PPIL6: variants seen among roughly 807,000 people sequenced by gnomAD.
PPIL6 encodes the protein peptidylprolyl isomerase like 6.
A neutral mutation model predicts 36.8 loss-of-function variants in PPIL6; 39 were observed. The observed-to-expected ratio is 1.06, with a 90% CI of 0.82 to 1.38. The LOEUF is 1.38. Ranked by LOEUF, PPIL6 falls within the 40% of genes most tolerant of loss-of-function variation. PPIL6 has a pLI of 0.00. For synonymous variants in PPIL6, 123 were observed against 134.1 expected (o/e 0.92, Z 0.57); for missense variants, 368 against 379.1 (o/e 0.97, Z 0.24).
Position 109,403,427 on chromosome 6 carries a change from C to G in PPIL6, c.689-3257G>C, listed in dbSNP as rs1266494870. Among the ~76,000 whole-genome samples, 4 of 152,186 alleles carry G rather than the reference C, an allele frequency of 2.6e-5. 1 individual carries two copies. Among genetic ancestry groups the G allele is most frequent in the Admixed American group, 2.0e-4 (3 of 15,286 alleles). ...ATGCACCCTTTGGCAGTAAACAGCA[C>G]TGCTGAAGGGGGCTGAGCCTCTTTA... On this transcript the variant is annotated intron_variant, in intron 6 of 7. Coordinates refer to ENST00000521072, the MANE Select transcript of PPIL6 (RefSeq NM_173672.5).
intron 7 of PPIL6, among the ~76,000 whole-genome samples, chr6:109,398,749 T>C (rs1012196522): frequency 3.3e-5 from 5 of 152,232 alleles, no homozygotes; most frequent in African/African-American, 9.6e-5. Flanking sequence ...ATGATGTCCA[T>C]GGACAATTAT....
rs1774793041 is a variant in PPIL6, at chr6:109,440,563, GGGGCCCGC to G, written c.20_27del (p.Cys7SerfsTer4). ...GACGGCGAGCCGCACCTAGCGTGCG[GGGGCCCGC>G]ACGGCTGCGGCCTTGCCATGGCCGC... On this transcript the variant is annotated frameshift_variant, in exon 1 of 8. Coordinates refer to ENST00000521072, the MANE Select transcript of PPIL6 (RefSeq NM_173672.5). LOFTEE classifies it high-confidence loss of function. 5 of 1,460,934 alleles carry G rather than the reference GGGGCCCGC, an allele frequency of 3.4e-6. No homozygotes were observed. The highest frequency in any genetic ancestry group is 1.5e-5 in the African/African-American group (1 of 66,566). The allele number at this position is 1,460,934 out of a possible 1,614,324, so 90.5% of individuals were successfully genotyped here. A position where few individuals can be genotyped will look rare whatever the true frequency, so the allele number is the denominator to read the frequency against.
chr6:109,390,451 C>T lies in PPIL6; in HGVS notation c.*2375G>A, dbSNP rs993338526. On this transcript the variant is annotated 3_prime_UTR_variant, in exon 8 of 8. Transcript: ENST00000521072. ...CTGGCCCTAGAACACACATTCTTAA[C>T]ACTATGTTGCTCTGGGTCAGTTGAG... 5.9e-5 allele frequency: 9 copies of T among 152,210 alleles called. No individual in the cohort carries two copies. Among genetic ancestry groups the T allele is most frequent in the Non-Finnish European group, 1.0e-4 (7 of 68,048 alleles). 9.4% of individuals were successfully genotyped at this position (152,210 alleles called of 1,614,324 possible).
chr6:109,423,903 G>A (rs949606271), intron 5 of PPIL6, among the ~76,000 whole-genome samples: 9 of 152,016 alleles, frequency 5.9e-5, no homozygotes, highest in African/African-American at 2.2e-4. Flanking sequence ...CTTTCTACAA[G>A]TATTTATTAA....
rs371970187 is a variant in PPIL6, at chr6:109,427,026, T to A, written c.484-32A>T. On this transcript the variant is annotated intron_variant, in intron 4 of 7. Coordinates refer to ENST00000521072, the MANE Select transcript of PPIL6 (RefSeq NM_173672.5). The stretch of plus-strand genomic sequence containing the variant: ...AATAAAGACAAAAGGTTTCAAAGAT[T>A]AAATATTTAACACTCCAACAGTTAT... 48 of 1,596,236 alleles carry A rather than the reference T, an allele frequency of 3.0e-5. No homozygotes were observed. In the African/African-American group the frequency reaches 5.6e-4, roughly 19 times the overall value.
intron 6 of PPIL6, among the ~76,000 whole-genome samples, chr6:109,415,674 G>A (rs1773216506): frequency 6.6e-6 from 1 of 152,164 alleles, no homozygotes; most frequent in Non-Finnish European, 1.5e-5. Flanking sequence ...TTTCTATAAC[G>A]ACAATAGCAT....
At chr6:109,433,182 G>A (rs1281984730) in intron 2 of PPIL6, among the ~76,000 whole-genome samples, 3 of 151,742 alleles carry the variant, frequency 2.0e-5, no homozygotes, top group African/African-American at 4.8e-5. Flanking sequence ...TCAGCCTCCC[G>A]AGTAGCTGGG....
chr6:109,418,822 G>A (rs1262680547), intron 6 of PPIL6, among the ~76,000 whole-genome samples: 14 of 152,092 alleles, frequency 9.2e-5, no homozygotes, highest in African/African-American at 2.4e-4. Flanking sequence ...GATTATAGGC[G>A]TGAGCCACCA....
intron 6 of PPIL6, among the ~76,000 whole-genome samples, chr6:109,402,276 C>T (rs1341929362): frequency 6.6e-6 from 1 of 151,946 alleles, no homozygotes; most frequent in Non-Finnish European, 1.5e-5. Context: ...TGCCTCATGC[C>T]TGTAATCCCA....
At chr6:109,420,332 C>CAAAAAAAA (rs564751735) in intron 5 of PPIL6, among the ~76,000 whole-genome samples, 21 of 50,942 alleles carry the variant, frequency 4.1e-4, no homozygotes, top group Non-Finnish European at 5.9e-4. Flanking sequence ...GACTCCATCT[C>CAAAAAAAA]AAAAAAAAAA....
intron 7 of PPIL6, among the ~76,000 whole-genome samples, chr6:109,397,399 G>A (rs2115194550): frequency 1.3e-5 from 2 of 152,220 alleles, no homozygotes; most frequent in Admixed American, 1.3e-4. Context: ...GTTGGAGGGT[G>A]TTTTCTTACC....
intron 6 of PPIL6, among the ~76,000 whole-genome samples, chr6:109,414,477 CTTTTTT>C (rs146541023): frequency 8.1e-5 from 7 of 86,528 alleles, no homozygotes; most frequent in Admixed American, 3.2e-4. Context: ...TGTCTTTTAG[CTTTTTT>C]TTTTTTTTTT....
At chr6:109,416,961 A>G (rs1773291871) in intron 6 of PPIL6, among the ~76,000 whole-genome samples, 1 of 152,072 alleles carries the variant, frequency 6.6e-6, no homozygotes, top group African/African-American at 2.4e-5. Context: ...TGAGCCCAGG[A>G]GTTGGAGACC....
chr6:109,432,247 A>T (rs1774196721), intron 2 of PPIL6, among the ~76,000 whole-genome samples: 1 of 152,152 alleles, frequency 6.6e-6, no homozygotes, highest in Non-Finnish European at 1.5e-5. Context: ...TTAGGAAATG[A>T]CTTACGAGGG....
At position 109,395,406 on chromosome 6, in the gene PPIL6, C is replaced by CA. The variant is rs1210744047; in HGVS notation, c.825-2470dup. 2.9e-3 allele frequency among the ~76,000 whole-genome samples: 367 copies of CA among 128,772 alleles called. 2 individuals are homozygous for CA. Among genetic ancestry groups the CA allele is most frequent in the African/African-American group, 5.6e-3 (195 of 34,934 alleles). The allele number at this position is 128,772 out of a possible 152,430, so 84.5% of individuals were successfully genotyped here. A position where few individuals can be genotyped will look rare whatever the true frequency, so the allele number is the denominator to read the frequency against. On this transcript the variant is annotated intron_variant, in intron 7 of 7. Coordinates refer to ENST00000521072, the MANE Select transcript of PPIL6 (RefSeq NM_173672.5). ...TGGGTGACAGAGTGAGACCCTGTCTCAAAAAAAAAAAACCCTTAATTAGAA... is the reference window on the plus strand; with the variant it reads ...TGGGTGACAGAGTGAGACCCTGTCTCAAAAAAAAAAAAACCCTTAATTAGAA...
chr6:109,414,737 T>C (rs1257816496), intron 6 of PPIL6, among the ~76,000 whole-genome samples: 3 of 152,076 alleles, frequency 2.0e-5, no homozygotes, highest in Admixed American at 6.6e-5. Context: ...ACAGTTTTGA[T>C]CTACAGTTGA....
Position 109,400,171 on chromosome 6 carries a change from C to T in PPIL6, c.689-1G>A. The T allele has an allele frequency of 6.2e-7, 1 of 1,608,476 alleles. No individual in the cohort carries two copies. The highest frequency in any genetic ancestry group is 8.5e-7 in the Non-Finnish European group (1 of 1,176,392). ...TTATGAGGAACTGAAAAGTTTTCATCTAGGAAAGACAATAATCAGTAGGTC... is the reference window on the plus strand; with the variant it reads ...TTATGAGGAACTGAAAAGTTTTCATTTAGGAAAGACAATAATCAGTAGGTC... On this transcript the variant is annotated splice_acceptor_variant, in intron 6 of 7. Transcript: ENST00000521072. LOFTEE classifies it high-confidence loss of function.
rs1450962138 is a variant in PPIL6, at chr6:109,391,526, CAG to C, written c.*1298_*1299del. The stretch of plus-strand genomic sequence containing the variant: ...CCCTGGGGAAAGAGCTAAATGAACA[CAG>C]AATCTGTGCCCCACGCCTGGGAACC... On this transcript the variant is annotated 3_prime_UTR_variant, in exon 8 of 8. Transcript: ENST00000521072. 1 of 151,932 alleles carries C rather than the reference CAG, an allele frequency of 6.6e-6. No homozygotes were observed. The highest frequency in any genetic ancestry group is 2.4e-5 in the African/African-American group (1 of 41,308). 9.4% of individuals were successfully genotyped at this position (151,932 alleles called of 1,614,324 possible). A position where few individuals can be genotyped will look rare whatever the true frequency, so the allele number is the denominator to read the frequency against.
Position 109,419,183 on chromosome 6 carries a change from A to G in PPIL6, c.688+4T>C, listed in dbSNP as rs1227885934. The G allele has an allele frequency of 2.6e-6, 4 of 1,525,274 alleles. No individual in the cohort carries two copies. Among genetic ancestry groups the G allele is most frequent in the African/African-American group, 1.4e-5 (1 of 73,100 alleles). The allele number at this position is 1,525,274 out of a possible 1,614,324, so 94.5% of individuals were successfully genotyped here. A position where few individuals can be genotyped will look rare whatever the true frequency, so the allele number is the denominator to read the frequency against. On this transcript the variant is annotated splice_donor_region_variant and intron_variant, in intron 6 of 7. Coordinates refer to ENST00000521072, the MANE Select transcript of PPIL6 (RefSeq NM_173672.5). Reference sequence around the variant, plus strand: ...TATAACTAACAAAATGTAAAGATACATACCTTCAAATGTTGGACCATAAAT... The same window carrying G: ...TATAACTAACAAAATGTAAAGATACGTACCTTCAAATGTTGGACCATAAAT...
Sources: gnomAD v4.1 joint callset for allele counts (sites outside exome capture counted in the v4.1 genomes callset) on GRCh38, gnomAD v4.1.1 for gene constraint, MANE v1.5 for transcripts, NCBI Gene and HGNC (gene_info 2026-07-23, HGNC 2026-07-21) for gene names.